Variants in STYX observed in about 807,000 individuals in gnomAD.
STYX encodes serine/threonine/tyrosine interacting protein, also known as serine/threonine/tyrosine-interacting protein.
STYX carries 20 observed loss-of-function variants against 42.7 expected under a neutral mutation model. The ratio of observed to expected loss-of-function variants is 0.47; its 90% CI spans 0.33 to 0.68. The LOEUF (loss-of-function observed/expected upper bound fraction) is 0.68. Among genes scored for constraint, STYX ranks in the 30% least tolerant of loss-of-function variants. The pLI, the probability that STYX is intolerant of heterozygous loss-of-function variation, is 0.02. For synonymous variants in STYX, 78 were observed against 81.9 expected (o/e 0.95, Z 0.26); for missense variants, 226 against 268.5 (o/e 0.84, Z 1.11).
At chr14:52,765,445 G>A (rs897974628) in intron 9 of STYX, among the ~76,000 whole-genome samples, 3 of 152,156 alleles carry the variant, frequency 2.0e-5, no homozygotes, top group South Asian at 2.1e-4. Context: ...TCAAACTTCC[G>A]ACCTCAGGTG....
intron 1 of STYX, among the ~76,000 whole-genome samples, chr14:52,737,374 CAT>C (rs1246908151): frequency 1.3e-5 from 2 of 152,146 alleles, no homozygotes; most frequent in African/African-American, 2.4e-5. Flanking sequence ...GATGTTTTAA[CAT>C]GTGGTACTTT....
intron 1 of STYX, among the ~76,000 whole-genome samples, chr14:52,733,805 C>T (rs1170635127): frequency 6.6e-6 from 1 of 152,012 alleles, no homozygotes; most frequent in Admixed American, 6.5e-5. Flanking sequence ...GACAAAACTC[C>T]AAGCAAAGAA....
At chr14:52,751,286 G>A (rs1251034879) in intron 4 of STYX, among the ~76,000 whole-genome samples, 1 of 151,972 alleles carries the variant, frequency 6.6e-6, no homozygotes, top group Non-Finnish European at 1.5e-5. Flanking sequence ...TTTTTAAGTT[G>A]CATTGTAATC....
intron 8 of STYX, among the ~76,000 whole-genome samples, chr14:52,759,461 G>A (rs1882007670): frequency 6.6e-6 from 1 of 152,108 alleles, no homozygotes. Flanking sequence ...CCCCAAGGTA[G>A]GTGTTATTAG....
intron 8 of STYX, among the ~76,000 whole-genome samples, chr14:52,758,466 T>C (rs915080514): frequency 4.6e-5 from 7 of 152,224 alleles, no homozygotes; most frequent in African/African-American, 1.7e-4. Context: ...AGAAATCTTA[T>C]AGTAATCATT....
At chr14:52,757,005 A>G (rs1413096392) in intron 5 of STYX, among the ~76,000 whole-genome samples, 1 of 152,082 alleles carries the variant, frequency 6.6e-6, no homozygotes, top group Non-Finnish European at 1.5e-5. Flanking sequence ...TGTGCTTGTA[A>G]AGCTTGCTAC....
At chr14:52,769,452 G>C (rs1218476923) in intron 10 of STYX, among the ~76,000 whole-genome samples, 1 of 151,974 alleles carries the variant, frequency 6.6e-6, no homozygotes, top group African/African-American at 2.4e-5. Flanking sequence ...TTCCTACCCT[G>C]CAGTTCACTT....
intron 9 of STYX, among the ~76,000 whole-genome samples, chr14:52,761,743 A>G (rs377694089): frequency 2.7e-5 from 4 of 147,264 alleles, no homozygotes; most frequent in South Asian, 4.9e-4. Context: ...TAATTTTTGT[A>G]TTTTTAATAG....
chr14:52,741,876 T>C (rs1881208455), intron 1 of STYX, among the ~76,000 whole-genome samples: 1 of 152,238 alleles, frequency 6.6e-6, no homozygotes, highest in African/African-American at 2.4e-5. Flanking sequence ...TTGCTTATAA[T>C]ATCTGCAGTT....
In STYX at chr14:52,771,685, A is replaced by G. The variant is rs1478551221; in HGVS notation, c.*579A>G. The G allele has an allele frequency of 2.6e-5, 4 of 152,432 alleles. No homozygotes were observed. Among genetic ancestry groups the G allele is most frequent in the African/African-American group, 9.7e-5 (4 of 41,424 alleles). The allele number at this position is 152,432 out of a possible 1,614,324, so 9.4% of individuals were successfully genotyped here. ...TAGCTTAATTACCATTTTATTTTTT[A>G]TACTTCTTCCATTATTAATCTTTAA... is the stretch of plus-strand genomic sequence containing the variant. On this transcript the variant is annotated 3_prime_UTR_variant, in exon 11 of 11. Coordinates refer to ENST00000354586, the MANE Select transcript of STYX (RefSeq NM_145251.4).
At chr14:52,748,866 A>T (rs1594871225) in intron 3 of STYX, among the ~76,000 whole-genome samples, 1 of 152,358 alleles carries the variant, frequency 6.6e-6, no homozygotes. Flanking sequence ...AATATAGAAC[A>T]TTGGTTAATT....
rs1292250050 is a variant in STYX, at chr14:52,771,089, A to G, written c.655A>G (p.Thr219Ala). 1.2e-6 allele frequency: 2 copies of G among 1,610,894 alleles called. No individual in the cohort carries two copies. Among genetic ancestry groups the G allele is most frequent in the South Asian group, 1.1e-5 (1 of 90,678 alleles). The stretch of plus-strand genomic sequence containing the variant: ...TGATTTTGGAACCATGCAAGTGGCG[A>G]CTGCACAGAATGGCTGACTTGAAGA... ...EDDFGTMQVA[T>A]AQNG Residue 219 changes from threonine (T) to alanine (A), a missense_variant, in exon 11 of 11, where the codon ACT becomes GCT. Thr to Ala is a moderately conservative substitution (Grantham distance 58). Coordinates refer to ENST00000354586, the MANE Select transcript of STYX (RefSeq NM_145251.4).
intron 1 of STYX, among the ~76,000 whole-genome samples, chr14:52,741,439 C>T (rs116447099): frequency 0.017 from 2,580 of 151,606 alleles, 74 homozygotes; most frequent in African/African-American, 0.059. Context: ...TTTTGAGTTT[C>T]GTGTGTGTGT....
At chr14:52,751,771 A>G (rs1881620562) in intron 4 of STYX, among the ~76,000 whole-genome samples, 1 of 152,210 alleles carries the variant, frequency 6.6e-6, no homozygotes, top group Non-Finnish European at 1.5e-5. Flanking sequence ...AAACATATAT[A>G]ATGAAAGTAA....
chr14:52,743,571 A>C (rs1442981070), intron 1 of STYX, among the ~76,000 whole-genome samples: 4 of 151,916 alleles, frequency 2.6e-5, no homozygotes, highest in African/African-American at 9.7e-5. Flanking sequence ...ACAGTGTAAG[A>C]CTCGGTCTCA....
At chr14:52,740,492 G>A (rs1180505068) in intron 1 of STYX, among the ~76,000 whole-genome samples, 1 of 152,160 alleles carries the variant, frequency 6.6e-6, no homozygotes, top group Non-Finnish European at 1.5e-5. Flanking sequence ...TGAACTCTGG[G>A]TTCAGACTCT....
At chr14:52,734,087 G>C (rs2139875519) in intron 1 of STYX, among the ~76,000 whole-genome samples, 1 of 152,334 alleles carries the variant, frequency 6.6e-6, no homozygotes, top group African/African-American at 2.4e-5. Context: ...AGTGGCTAGA[G>C]TGAAGTTACA....
chr14:52,758,067 T>C (rs1332521592), intron 8 of STYX, 143 bp downstream of exon 8: 1 of 883,144 alleles, frequency 1.1e-6, no homozygotes, highest in East Asian at 2.6e-5. Context: ...CCTTATTCCA[T>C]GATTAGTCTT....
At chr14:52,769,301 G>A (rs1451704296) in intron 10 of STYX, among the ~76,000 whole-genome samples, 2 of 151,936 alleles carry the variant, frequency 1.3e-5, no homozygotes, top group South Asian at 2.1e-4. Flanking sequence ...TATTTCAGAA[G>A]TACCCTAAGC....
Sources: allele counts gnomAD v4.1 joint callset (sites outside exome capture counted in the v4.1 genomes callset), GRCh38; gene constraint gnomAD v4.1.1; transcripts MANE v1.5; gene names NCBI Gene and HGNC (gene_info 2026-07-23, HGNC 2026-07-21).